ZMAT4: variants seen among roughly 807,000 people sequenced by gnomAD.
ZMAT4 encodes zinc finger matrin-type 4.
A neutral mutation model predicts 28.7 loss-of-function variants in ZMAT4; 17 were observed. The observed-to-expected ratio is 0.59, with a 90% CI of 0.41 to 0.89. The LOEUF (loss-of-function observed/expected upper bound fraction) is 0.89, where lower values mean the gene tolerates loss of function less well. ZMAT4 is among the 40% of genes least tolerant of loss of function. The pLI is 0.00. For synonymous variants in ZMAT4, 117 were observed against 109.2 expected (o/e 1.07, Z -0.44); for missense variants, 240 against 283.8 (o/e 0.85, Z 1.11).
At chr8:40,837,073 T>C (rs761810176) in intron 1 of ZMAT4, among the ~76,000 whole-genome samples, 2 of 152,218 alleles carry the variant, frequency 1.3e-5, no homozygotes, top group Non-Finnish European at 2.9e-5. Flanking sequence ...CCACACCCTC[T>C]GCAATAGAGA....
At chr8:40,677,364 T>C (rs1183857986) in intron 4 of ZMAT4, among the ~76,000 whole-genome samples, 1 of 152,002 alleles carries the variant, frequency 6.6e-6, no homozygotes, top group Non-Finnish European at 1.5e-5. Flanking sequence ...ATTCCTTTAG[T>C]GCCTATAAAA....
At chr8:40,633,105 C>T (rs576582601) in intron 5 of ZMAT4, among the ~76,000 whole-genome samples, 1 of 100,156 alleles carries the variant, frequency 1.0e-5, no homozygotes, top group South Asian at 3.5e-4. Flanking sequence ...CAATTCATTA[C>T]AGAAGAAATG....
intron 5 of ZMAT4, among the ~76,000 whole-genome samples, chr8:40,672,441 G>A (rs1808716378): frequency 6.6e-6 from 1 of 152,132 alleles, no homozygotes; most frequent in Admixed American, 6.6e-5. Flanking sequence ...CGTGTGGAAA[G>A]TTTGGTTTCA....
At chr8:40,775,899 C>T (rs1159144883) in intron 2 of ZMAT4, among the ~76,000 whole-genome samples, 1 of 152,124 alleles carries the variant, frequency 6.6e-6, no homozygotes, top group Non-Finnish European at 1.5e-5. Flanking sequence ...GGGGAAGAGA[C>T]ATCAGAGATT....
intron 5 of ZMAT4, among the ~76,000 whole-genome samples, chr8:40,620,113 C>G (rs975508466): frequency 2.6e-5 from 4 of 152,088 alleles, no homozygotes; most frequent in Admixed American, 2.0e-4. Context: ...GTAGGGTTCT[C>G]AGAGATCCTG....
At chr8:40,532,683 T>A (rs996811129) in intron 6 of ZMAT4, among the ~76,000 whole-genome samples, 1 of 100,854 alleles carries the variant, frequency 9.9e-6, no homozygotes, top group Admixed American at 1.3e-4. Flanking sequence ...GAATTTTCTC[T>A]GTTAGAAGAA....
At chr8:40,770,807 C>T (rs1251329808) in intron 2 of ZMAT4, among the ~76,000 whole-genome samples, 1 of 152,054 alleles carries the variant, frequency 6.6e-6, no homozygotes, top group Non-Finnish European at 1.5e-5. Flanking sequence ...CTCAGCCATC[C>T]TTTCCTTTCT....
intron 3 of ZMAT4, among the ~76,000 whole-genome samples, chr8:40,761,398 C>T (rs1375910110): frequency 6.6e-6 from 1 of 152,130 alleles, no homozygotes; most frequent in Non-Finnish European, 1.5e-5. Context: ...TCATTGTTCC[C>T]TCTAAGGCTT....
At chr8:40,810,455 A>C (rs1025372627) in intron 2 of ZMAT4, among the ~76,000 whole-genome samples, 1 of 152,212 alleles carries the variant, frequency 6.6e-6, no homozygotes, top group Admixed American at 6.5e-5. Flanking sequence ...ACACACAGCA[A>C]AGTGATACCC....
At chr8:40,564,652 T>C (rs1803856184) in intron 6 of ZMAT4, among the ~76,000 whole-genome samples, 1 of 152,232 alleles carries the variant, frequency 6.6e-6, no homozygotes, top group Non-Finnish European at 1.5e-5. Context: ...AGGGCCACTG[T>C]TGCAGCCTGT....
chr8:40,671,510 G>C (rs190224015), intron 5 of ZMAT4, among the ~76,000 whole-genome samples: 103 of 152,270 alleles, frequency 6.8e-4, no homozygotes, highest in Non-Finnish European at 1.2e-3. Flanking sequence ...TGCTTTATAT[G>C]CTATAAATGG....
At chr8:40,698,747 T>A (rs538783946) in intron 3 of ZMAT4, among the ~76,000 whole-genome samples, 6 of 152,362 alleles carry the variant, frequency 3.9e-5, no homozygotes, top group African/African-American at 1.4e-4. Context: ...ATATCTCTGA[T>A]AATTAGCATT....
At chr8:40,618,638 A>G (rs758508052) in intron 5 of ZMAT4, among the ~76,000 whole-genome samples, 3 of 149,962 alleles carry the variant, frequency 2.0e-5, no homozygotes, top group African/African-American at 4.9e-5. Context: ...TATACAGTAT[A>G]CTACAGTTTT....
At chr8:40,573,653 CATACAAAGTGCTAGCTCCA>C (rs1804170190) in intron 6 of ZMAT4, among the ~76,000 whole-genome samples, 1 of 152,192 alleles carries the variant, frequency 6.6e-6, no homozygotes. Flanking sequence ...ACCCACTATA[CATACAAAGTGCTAGCTCCA>C]ATAAAATGGC....
intron 3 of ZMAT4, 60 bp from the exon 4 acceptor site, chr8:40,697,461 G>T (rs1225008639): frequency 2.1e-6 from 3 of 1,421,720 alleles, no homozygotes; most frequent in Admixed American, 2.5e-5. Flanking sequence ...TTTTACAAAT[G>T]AGACTTACCC....
rs1187704268 is a variant in ZMAT4 at position 40,824,748 on chromosome 8, GA to G, written c.102+826del. Reference sequence around the variant, plus strand: ...AGAAAGAAAGAAGAAAGAAAGAAAAGAAAAAAAGAAAGAAAGAAAAGAAAGA... The same window carrying G: ...AGAAAGAAAGAAGAAAGAAAGAAAAGAAAAAAGAAAGAAAGAAAAGAAAGA... On this transcript the variant is annotated intron_variant, in intron 2 of 6. Transcript: ENST00000297737. Among the ~76,000 whole-genome samples, 18 of 139,750 alleles carry G rather than the reference GA, an allele frequency of 1.3e-4. No homozygotes were observed. In the South Asian group the frequency reaches 3.0e-3, roughly 23 times the overall value. The allele number at this position is 139,750 out of a possible 152,430, so 91.7% of individuals were successfully genotyped here. A position where few individuals can be genotyped will look rare whatever the true frequency, so the allele number is the denominator to read the frequency against.
At chr8:40,812,685 C>G (rs1416638724) in intron 2 of ZMAT4, among the ~76,000 whole-genome samples, 2 of 152,158 alleles carry the variant, frequency 1.3e-5, no homozygotes, top group African/African-American at 2.4e-5. Flanking sequence ...AATCCCAGCA[C>G]TTTGGGAGGC....
chr8:40,827,635 T>C (rs753025147), intron 1 of ZMAT4, among the ~76,000 whole-genome samples: 15 of 152,230 alleles, frequency 9.9e-5, no homozygotes, highest in Non-Finnish European at 2.2e-4. Flanking sequence ...GAGACAATAA[T>C]GCCTGTGGTT....
chr8:40,874,670 A>G (rs1477533430), intron 1 of ZMAT4, among the ~76,000 whole-genome samples: 1 of 152,218 alleles, frequency 6.6e-6, no homozygotes, highest in Non-Finnish European at 1.5e-5. Flanking sequence ...GCAGGTAAGC[A>G]TACCCAATTT....
Sources: allele counts gnomAD v4.1 joint callset (sites outside exome capture counted in the v4.1 genomes callset), GRCh38; gene constraint gnomAD v4.1.1; transcripts MANE v1.5; gene names NCBI Gene and HGNC (gene_info 2026-07-23, HGNC 2026-07-21).